ALX3: variants seen among roughly 807,000 people sequenced by gnomAD.
The protein encoded by ALX3 is ALX homeobox 3, also known as homeobox protein aristaless-like 3.
A neutral mutation model predicts 26.3 loss-of-function variants in ALX3; 17 were observed. The observed-to-expected ratio is 0.65, with a 90% CI of 0.44 to 0.97. The LOEUF (loss-of-function observed/expected upper bound fraction) is 0.97, where lower values mean the gene tolerates loss of function less well. Among genes scored for constraint, ALX3 ranks in the 50% least tolerant of loss-of-function variants. The pLI is 0.00. For synonymous variants in ALX3, 208 were observed against 201.4 expected (o/e 1.03, Z -0.28); for missense variants, 461 against 466.5 (o/e 0.99, Z 0.11).
intron 2 of ALX3, chr1:110,062,621 G>GTA (rs1653677931): frequency 1.6e-3 from 1 of 644 alleles, no homozygotes; most frequent in Admixed American, 0.071. Flanking sequence ...GTGTGTGTGT[G>GTA]TGTGTGTGTG....
intron 2 of ALX3, among the ~76,000 whole-genome samples, chr1:110,063,482 G>A (rs1265751284): frequency 6.6e-6 from 1 of 152,132 alleles, no homozygotes; most frequent in Non-Finnish European, 1.5e-5. Context: ...TCTGTTAGAT[G>A]ACAGCTGGCC....
At chr1:110,069,634 CA>C (rs1653871920) in intron 1 of ALX3, among the ~76,000 whole-genome samples, 1 of 152,228 alleles carries the variant, frequency 6.6e-6, no homozygotes, top group South Asian at 2.1e-4. Flanking sequence ...GCGGGGAAGC[CA>C]AGACTGCCAG....
chr1:110,068,291 G>A (rs1653835926), intron 1 of ALX3, among the ~76,000 whole-genome samples: 1 of 152,246 alleles, frequency 6.6e-6, no homozygotes, highest in Non-Finnish European at 1.5e-5. Context: ...AAATAAGGCG[G>A]GTTCCCTCTT....
At chr1:110,061,166 T>G in intron 3 of ALX3, 125 bp from the exon 4 acceptor site, 1 of 1,182,002 alleles carries the variant, frequency 8.5e-7, no homozygotes. Flanking sequence ...TTGGCTCAGA[T>G]CTACCCCCTC....
chr1:110,060,600 T>G lies in ALX3; in HGVS notation c.*133A>C, dbSNP rs879855092. ...AGAAAAGACCCTGTAACGTGTTCCC[T>G]GCTGGGGGCTGACAGTGCCAGCTGC... On this transcript the variant is annotated 3_prime_UTR_variant, in exon 4 of 4. Transcript: ENST00000647563. 28 of 799,552 alleles carry G rather than the reference T, an allele frequency of 3.5e-5. No homozygotes were observed. Among genetic ancestry groups the G allele is most frequent in the Middle Eastern group, 2.6e-4 (1 of 3,872 alleles). The allele number at this position is 799,552 out of a possible 1,614,324, so 49.5% of individuals were successfully genotyped here.
In ALX3 at chr1:110,060,966, G is replaced by T. The variant is rs759432791; in HGVS notation, c.799C>A (p.Pro267Thr). The change falls in exon 4 of 4, where the codon CCC (proline) becomes ACC (threonine). Residue 267 changes from proline (P) to threonine (T), a missense_variant. Pro to Thr is a conservative substitution (Grantham distance 38, BLOSUM62 -1). Transcript: ENST00000647563. ...GAATATGGAGACATGCATGGGGAGG[G>T]GATGCCCTCTGGAGACACAAGGCAG... is the stretch of plus-strand genomic sequence containing the variant. ...GPCLVSPEGI[P>T]SPCMSPYSHP... 6.2e-7 allele frequency: 1 copy of T among 1,612,844 alleles called. No individual in the cohort carries two copies. The highest frequency in any genetic ancestry group is 8.5e-7 in the Non-Finnish European group (1 of 1,179,684).
intron 2 of ALX3, among the ~76,000 whole-genome samples, chr1:110,063,049 C>T (rs552277544): frequency 6.6e-6 from 1 of 152,160 alleles, no homozygotes; most frequent in Non-Finnish European, 1.5e-5. Flanking sequence ...GGGTGGGTTT[C>T]ACACCCCTGC....
Position 110,064,600 on chromosome 1 carries a change from TCA to T in ALX3, c.579_580del (p.Glu194GlyfsTer35). The T allele has an allele frequency of 6.2e-7, 1 of 1,614,076 alleles. No homozygotes were observed. Among genetic ancestry groups the T allele is most frequent in the Non-Finnish European group, 8.5e-7 (1 of 1,180,026 alleles). Reference sequence around the variant, plus strand: ...CAGTGCCCTCACCTGTACCCGGGCCTCAGTCAGGTCTGTGCGCAGGGCCAGCT... The same window carrying T: ...CAGTGCCCTCACCTGTACCCGGGCCTGTCAGGTCTGTGCGCAGGGCCAGCT... On this transcript the variant is annotated frameshift_variant, in exon 2 of 4. Coordinates refer to ENST00000647563, the MANE Select transcript of ALX3 (RefSeq NM_006492.3). LOFTEE classifies it high-confidence loss of function.
chr1:110,061,054 G>A lies in ALX3; in HGVS notation c.724-13C>T, dbSNP rs1167194578. On this transcript the variant is annotated splice_polypyrimidine_tract_variant and intron_variant, in intron 3 of 3. Transcript: ENST00000647563. ...GGGAGTTCTGCAGCTGAAAAGAGAG[G>A]GAAAGAAGGCCCATGAGCCTGTAGC... The A allele has an allele frequency of 6.3e-7, 1 of 1,599,184 alleles. No individual in the cohort carries two copies. The highest frequency in any genetic ancestry group is 8.5e-7 in the Non-Finnish European group (1 of 1,173,858).
Position 110,060,806 on chromosome 1 carries a change from T to C in ALX3, c.959A>G (p.Tyr320Cys), listed in dbSNP as rs376262878. ...GAGCGAGACGAGGCTTGGAGACTTA[T>C]AGTCACCATCTGAGGAAGGCTCAAA... ...HSFEPSSDGD[Y>C]KSPSLVSLRV... The change falls in exon 4 of 4, where the codon TAT (tyrosine) becomes TGT (cysteine). Residue 320 changes from tyrosine to cysteine, a missense_variant. Tyr to Cys is a radical substitution (Grantham distance 194, BLOSUM62 -2). Transcript: ENST00000647563. 7.5e-5 allele frequency: 121 copies of C among 1,613,936 alleles called. No individual in the cohort carries two copies. The highest frequency in any genetic ancestry group is 2.2e-4 in the South Asian group (20 of 91,052).
At chr1:110,066,991 T>C (rs916299916) in intron 1 of ALX3, among the ~76,000 whole-genome samples, 5 of 152,132 alleles carry the variant, frequency 3.3e-5, no homozygotes, top group Non-Finnish European at 7.4e-5. Context: ...GCCTGCCCAG[T>C]CTACAGCCCT....
At chr1:110,061,404 G>C in intron 3 of ALX3, 31 bp downstream of exon 3, 1 of 1,614,228 alleles carries the variant, frequency 6.2e-7, no homozygotes, top group Non-Finnish European at 8.5e-7. Context: ...GACCCTGCCA[G>C]GTCCTGGTTC....
At chr1:110,061,956 A>T in intron 2 of ALX3, 1 of 230,228 alleles carries the variant, frequency 4.3e-6, no homozygotes, top group South Asian at 7.1e-5. Flanking sequence ...CAGGCTACCC[A>T]CCTCATAGCA....
At chr1:110,067,277 C>G (rs1006694582) in intron 1 of ALX3, among the ~76,000 whole-genome samples, 1 of 152,202 alleles carries the variant, frequency 6.6e-6, no homozygotes, top group Non-Finnish European at 1.5e-5. Context: ...CTGCTGAGCA[C>G]GGGGCACATC....
Position 110,060,956 on chromosome 1 carries a change from C to A in ALX3, c.809G>T (p.Cys270Phe). The change falls in exon 4 of 4, where the codon TGC (cysteine) becomes TTC (phenylalanine). Residue 270 changes from cysteine to phenylalanine, a missense_variant. Transcript: ENST00000647563. ...ATGGGGGTGGGAATATGGAGACATG[C>A]ATGGGGAGGGGATGCCCTCTGGAGA... is the stretch of plus-strand genomic sequence containing the variant. ...LVSPEGIPSP[C>F]MSPYSHPHGS... The A allele has an allele frequency of 2.5e-6, 4 of 1,613,028 alleles. No individual in the cohort carries two copies. The highest frequency in any genetic ancestry group is 1.1e-5 in the South Asian group (1 of 90,974).
At chr1:110,067,352 G>A (rs1299782483) in intron 1 of ALX3, among the ~76,000 whole-genome samples, 1 of 152,306 alleles carries the variant, frequency 6.6e-6, no homozygotes, top group Admixed American at 6.5e-5. Context: ...TGGTTAAGGC[G>A]GGGTACTCAT....
intron 2 of ALX3, among the ~76,000 whole-genome samples, chr1:110,064,214 C>T (rs1653723643): frequency 6.6e-6 from 1 of 152,194 alleles, no homozygotes; most frequent in Admixed American, 6.5e-5. Context: ...CCCTGTGATC[C>T]TCAGGATAGT....
At position 110,070,637 on chromosome 1, in the gene ALX3, C is replaced by T. The variant is rs982670469; in HGVS notation, c.-25G>A. ...TGCCGGCTCAGGGCGCACAGGCCTC[C>T]GGGGCTCCGGGGCTCGCGCTGCCCG... On this transcript the variant is annotated 5_prime_UTR_variant, in exon 1 of 4. Transcript: ENST00000647563. The T allele has an allele frequency of 9.2e-6, 11 of 1,201,666 alleles. No individual in the cohort carries two copies. The highest frequency in any genetic ancestry group is 3.2e-5 in the African/African-American group (2 of 61,872). 74.4% of individuals were successfully genotyped at this position (1,201,666 alleles called of 1,614,324 possible). A position where few individuals can be genotyped will look rare whatever the true frequency, so the allele number is the denominator to read the frequency against.
In ALX3 at chr1:110,070,445, G is replaced by A. The variant is rs1653891295; in HGVS notation, c.168C>T (p.Pro56=). Residue 56 remains proline, a synonymous_variant, in exon 1 of 4, where the codon CCC becomes CCT. Transcript: ENST00000647563. The part of the protein sequence containing the change: ...PRLTRFPACG[P]LEPYLPEPAK... ...CCGGCTCTGGGAGGTAGGGCTCCAG[G>A]GGCCCGCAGGCCGGAAAGCGGGTCA... is the stretch of plus-strand genomic sequence containing the variant. 1.9e-5 allele frequency: 24 copies of A among 1,258,012 alleles called. No homozygotes were observed. The highest frequency in any genetic ancestry group is 2.4e-5 in the Non-Finnish European group (24 of 1,002,760). 77.9% of individuals were successfully genotyped at this position (1,258,012 alleles called of 1,614,324 possible).
Sources: allele counts gnomAD v4.1 joint callset (sites outside exome capture counted in the v4.1 genomes callset), GRCh38; gene constraint gnomAD v4.1.1; transcripts MANE v1.5; gene names NCBI Gene and HGNC (gene_info 2026-07-23, HGNC 2026-07-21).